Variants in GLIS2 observed in about 807,000 individuals in gnomAD.
The protein encoded by GLIS2 is GLIS family zinc finger 2, also known as zinc finger protein GLIS2.
Under a neutral mutation model 35.6 loss-of-function variants are expected in GLIS2, and 14 were observed. The ratio of observed to expected loss-of-function variants is 0.39; its 90% CI spans 0.26 to 0.61. The LOEUF (loss-of-function observed/expected upper bound fraction) is 0.61, where lower values mean the gene tolerates loss of function less well. Ranked by LOEUF, GLIS2 falls within the 20% of genes least tolerant of loss-of-function variation. The probability of loss-of-function intolerance (pLI) is 0.48; values close to 1 mark genes in which losing one functional copy is unlikely to be tolerated. For synonymous variants in GLIS2, 368 were observed against 325.1 expected (o/e 1.13, Z -1.42); for missense variants, 675 against 713.4 (o/e 0.95, Z 0.61).
intron 1 of GLIS2, chr16:4,325,418 C>CTGTTTGCCGTGG: frequency 1.3e-5 from 2 of 152,266 alleles, no homozygotes; most frequent in South Asian, 2.1e-4. Context: ...TGGGTACTGT[C>CTGTTTGCCGTGG]CTCATGCTGC....
chr16:4,337,431 C>G lies in GLIS2; in HGVS notation c.1482C>G (p.Val494=). 1 of 1,583,680 alleles carries G rather than the reference C, an allele frequency of 6.3e-7. No individual in the cohort carries two copies. The highest frequency in any genetic ancestry group is 1.3e-5 in the African/African-American group (1 of 74,568). ...CCGTGCTGGACCTGTCCACGGGCGT[C>G]AACTCAGCTGCCAGCAGCCCAGAGG... ...PGTVLDLSTG[V]NSAASSPEAL... The change falls in exon 7 of 7, where the codon GTC becomes GTG. Residue 494 remains valine, a synonymous_variant. Coordinates refer to ENST00000433375, the MANE Select transcript of GLIS2 (RefSeq NM_032575.3).
chr16:4,334,802 A>C lies in GLIS2; in HGVS notation c.347A>C (p.Asp116Ala). ...ACTAGCCCTCCCCTCGCACCCCAGG[A>C]CTTCCAGCCACTGCGCTATTTGGAT... ...GDLPPVPSASDFQPLRYLDGV... is the reference protein window; with the variant it reads ...GDLPPVPSASAFQPLRYLDGV... Residue 116 changes from aspartate to alanine, a missense_variant and splice_region_variant, in exon 4 of 7, where the codon GAC becomes GCC. Coordinates refer to ENST00000433375, the MANE Select transcript of GLIS2 (RefSeq NM_032575.3). 13 of 1,613,248 alleles carry C rather than the reference A, an allele frequency of 8.1e-6. No homozygotes were observed. Among genetic ancestry groups the C allele is most frequent in the Non-Finnish European group, 1.1e-5 (13 of 1,179,968 alleles).
rs140609747 is a variant in GLIS2, at chr16:4,335,188, C to T, written c.651C>T (p.Asn217=). 1.7e-4 allele frequency: 274 copies of T among 1,613,504 alleles called. 4 individuals carry two copies. In the East Asian group the frequency reaches 5.1e-3, roughly 30 times the overall value. ...GCGCCCGCCATGGCCGAGGTTTCAA[C>T]GCCAGGTGAGGTGGGGGAGAGAGGG... The part of the protein sequence containing the change: ...EGCARHGRGF[N]ARYKMLIHIR... The change falls in exon 5 of 7, where the codon AAC becomes AAT. Residue 217 remains asparagine, a synonymous_variant. Coordinates refer to ENST00000433375, the MANE Select transcript of GLIS2 (RefSeq NM_032575.3). The surrounding 1 kb of genome is among the most constrained non-coding windows in gnomAD (Gnocchi z 4.6).
In GLIS2 at chr16:4,321,509, C is replaced by T. The variant is rs191595190; in HGVS notation, c.-67+5255C>T. Among the ~76,000 whole-genome samples, 34 of 152,310 alleles carry T rather than the reference C, an allele frequency of 2.2e-4. No individual in the cohort carries two copies. In the East Asian group the frequency reaches 5.0e-3, roughly 22 times the overall value. On this transcript the variant is annotated intron_variant, in intron 1 of 6. Transcript: ENST00000433375. ...GTTGGGATATGTGAAGGGCAGGTAC[C>T]ACTGTGCCACCTAAGATGAGTGGTT...
In GLIS2 at chr16:4,335,253, C is replaced by T. The variant is rs201509639; in HGVS notation, c.657-22C>T. The T allele has an allele frequency of 1.2e-6, 2 of 1,613,578 alleles. No individual in the cohort carries two copies. Among genetic ancestry groups the T allele is most frequent in the Non-Finnish European group, 8.5e-7 (1 of 1,179,916 alleles). ...GGGGTCTCCAGTGAGCTGAGCCGTGCCCCCCGCCCTCCCTGGAGCAGGTAC... is the reference window on the plus strand; with the variant it reads ...GGGGTCTCCAGTGAGCTGAGCCGTGTCCCCCGCCCTCCCTGGAGCAGGTAC... On this transcript the variant is annotated intron_variant, in intron 5 of 6. Coordinates refer to ENST00000433375, the MANE Select transcript of GLIS2 (RefSeq NM_032575.3). The surrounding 1 kb of genome is among the most constrained non-coding windows in gnomAD (Gnocchi z 4.6).
rs1381696320 is a variant in GLIS2, at chr16:4,332,628, G to C, written c.172+176G>C. On this transcript the variant is annotated intron_variant, in intron 2 of 6. Transcript: ENST00000433375. The surrounding 1 kb of genome is among the most constrained non-coding windows in gnomAD (Gnocchi z 5.4). ...GCATCGTATGTCTGCAGGGAGGTGG[G>C]AGCTGCAGTGCCCAGCTCACGTGGC... Among the ~76,000 whole-genome samples, 1 of 152,244 alleles carries C rather than the reference G, an allele frequency of 6.6e-6. No individual in the cohort carries two copies. Among genetic ancestry groups the C allele is most frequent in the Non-Finnish European group, 1.5e-5 (1 of 68,044 alleles).
intron 1 of GLIS2, among the ~76,000 whole-genome samples, chr16:4,331,111 G>A (rs1230484364): frequency 6.6e-6 from 1 of 151,942 alleles, no homozygotes; most frequent in Non-Finnish European, 1.5e-5. Flanking sequence ...CGAGTAGCTG[G>A]GACTACAGGC....
Position 4,337,658 on chromosome 16 carries a change from G to A in GLIS2, c.*134G>A. 1 of 1,319,068 alleles carries A rather than the reference G, an allele frequency of 7.6e-7. No individual in the cohort carries two copies. The highest frequency in any genetic ancestry group is 1.0e-6 in the Non-Finnish European group (1 of 953,516). The allele number at this position is 1,319,068 out of a possible 1,614,324, so 81.7% of individuals were successfully genotyped here. Reference sequence around the variant, plus strand: ...CCCAGCCCAGCCCGCCGGGAGCAAGGATGGTGCTAGGTCATTCATGGCTGG... The same window carrying A: ...CCCAGCCCAGCCCGCCGGGAGCAAGAATGGTGCTAGGTCATTCATGGCTGG... On this transcript the variant is annotated 3_prime_UTR_variant, in exon 7 of 7. Coordinates refer to ENST00000433375, the MANE Select transcript of GLIS2 (RefSeq NM_032575.3).
At chr16:4,314,862 G>T (rs2053290133), upstream of GLIS2, 1 of 152,312 alleles carries the variant, frequency 6.6e-6, no homozygotes, top group African/African-American at 2.4e-5. Flanking sequence ...CCAACAGCAG[G>T]AGGGCTGTTT....
At chr16:4,315,797 C>T (rs1280900926), upstream of GLIS2, among the ~76,000 whole-genome samples, 2 of 150,524 alleles carry the variant, frequency 1.3e-5, no homozygotes, top group Non-Finnish European at 3.0e-5. Flanking sequence ...CCTCCCTCGG[C>T]CCAGCGCCGG....
At chr16:4,317,810 TG>T (rs2053330736) in intron 1 of GLIS2, among the ~76,000 whole-genome samples, 1 of 152,140 alleles carries the variant, frequency 6.6e-6, no homozygotes, top group Admixed American at 6.5e-5. Context: ...GATGGTGTTT[TG>T]GGGGGTGTGC....
Position 4,316,159 on chromosome 16 carries a change from G to A in GLIS2, c.-162G>A, listed in dbSNP as rs1396313952. Among the ~76,000 whole-genome samples, 2 of 144,728 alleles carry A rather than the reference G, an allele frequency of 1.4e-5. No individual in the cohort carries two copies. The highest frequency in any genetic ancestry group is 2.5e-5 in the African/African-American group (1 of 40,050). 94.9% of individuals were successfully genotyped at this position (144,728 alleles called of 152,430 possible). ...CGCGCCCCGTGAGGCCTCGCGCCCC[G>A]GCCCCCGCCCGTCCCGGCCCCTCCC... On this transcript the variant is annotated 5_prime_UTR_variant, in exon 1 of 7. Transcript: ENST00000433375.
intron 6 of GLIS2, chr16:4,336,420 T>C (rs1472668982): frequency 1.8e-6 from 1 of 558,116 alleles, no homozygotes; most frequent in African/African-American, 1.9e-5. Flanking sequence ...GTGCTGAAAT[T>C]ACAGGCGTGA....
Position 4,334,877 on chromosome 16 carries a change from C to A in GLIS2, c.422C>A (p.Ala141Asp). 6.2e-7 allele frequency: 1 copy of A among 1,613,212 alleles called. No individual in the cohort carries two copies. Among genetic ancestry groups the A allele is most frequent in the Non-Finnish European group, 8.5e-7 (1 of 1,179,998 alleles). The part of the protein sequence containing the change: ...QFFLPLGSGG[A>D]LHLPASSFLT... ...TTCCTGCCCCTCGGCTCCGGGGGGG[C>A]CCTGCACCTGCCTGCCTCCTCCTTC... is the stretch of plus-strand genomic sequence containing the variant. The change falls in exon 4 of 7, where the codon GCC becomes GAC. Residue 141 changes from alanine (A) to aspartate (D), a missense_variant. By Grantham distance (126) the Ala-to-Asp change is moderately radical. Around this residue, in one of 3 missense-constraint regions of GLIS2, gnomAD observed 225 missense variants for 238.7 expected, o/e 0.94. Coordinates refer to ENST00000433375, the MANE Select transcript of GLIS2 (RefSeq NM_032575.3).
intron 1 of GLIS2, among the ~76,000 whole-genome samples, chr16:4,322,694 G>A (rs979622926): frequency 2.0e-5 from 3 of 151,992 alleles, no homozygotes; most frequent in Non-Finnish European, 4.4e-5. Context: ...ATCTAGCAGG[G>A]CCTGGCGTTG....
intron 1 of GLIS2, among the ~76,000 whole-genome samples, chr16:4,327,700 C>T (rs2053448859): frequency 6.6e-6 from 1 of 151,830 alleles, no homozygotes; most frequent in Non-Finnish European, 1.5e-5. Flanking sequence ...GTGACCCCCG[C>T]CCTGCGGTGG....
In GLIS2 at chr16:4,337,665, C is replaced by CT. The variant is rs894264646; in HGVS notation, c.*142dup. ...CAGCCCGCCGGGAGCAAGGATGGTG[C>CT]TAGGTCATTCATGGCTGGCCTCCCA... On this transcript the variant is annotated 3_prime_UTR_variant, in exon 7 of 7. Transcript: ENST00000433375. 1.4e-5 allele frequency: 17 copies of CT among 1,248,890 alleles called. No homozygotes were observed. In the Admixed American group the frequency reaches 2.0e-4, roughly 15 times the overall value. The allele number at this position is 1,248,890 out of a possible 1,614,324, so 77.4% of individuals were successfully genotyped here.
chr16:4,322,565 T>G (rs1021113816), intron 1 of GLIS2, among the ~76,000 whole-genome samples: 2 of 152,146 alleles, frequency 1.3e-5, no homozygotes, highest in African/African-American at 2.4e-5. Context: ...CCCAAGGCTC[T>G]TCACCCCATA....
rs1350934504 is a variant in GLIS2, at chr16:4,337,214, G to T, written c.1265G>T (p.Gly422Val). The change falls in exon 7 of 7, where the codon GGG becomes GTG. Residue 422 changes from glycine (G) to valine (V), a missense_variant. By Grantham distance (109) the Gly-to-Val change is moderately radical. Around this residue, in one of 3 missense-constraint regions of GLIS2, gnomAD observed 317 missense variants for 283.2 expected, o/e 1.12. Coordinates refer to ENST00000433375, the MANE Select transcript of GLIS2 (RefSeq NM_032575.3). ...AACCCGCTGCTGCCCTCGCCCTTTG[G>T]GGCTGGCGGACTGGGCTTGCCTGTG... ...AKNPLLPSPF[G>V]AGGLGLPVVS... The T allele has an allele frequency of 1.3e-6, 2 of 1,547,610 alleles. No individual in the cohort carries two copies. The highest frequency in any genetic ancestry group is 2.7e-5 in the African/African-American group (2 of 73,170).
Sources: allele counts gnomAD v4.1 joint callset (sites outside exome capture counted in the v4.1 genomes callset), GRCh38; gene constraint gnomAD v4.1.1; regional missense constraint gnomAD v4.1.1; non-coding constraint Gnocchi (gnomAD v3.1); transcripts MANE v1.5; gene names NCBI Gene and HGNC (gene_info 2026-07-23, HGNC 2026-07-21).